Variants in PLEKHA5 observed in about 807,000 individuals in gnomAD.
The protein encoded by PLEKHA5 is pleckstrin homology domain containing A5.
PLEKHA5 carries 55 observed loss-of-function variants against 181.9 expected under a neutral mutation model. That is an observed-to-expected ratio of 0.30 (90% CI 0.24 to 0.38). PLEKHA5 has a LOEUF of 0.38. Among genes scored for constraint, PLEKHA5 ranks in the 10% least tolerant of loss-of-function variants. PLEKHA5 has a pLI of 1.00. For synonymous variants in PLEKHA5, 535 were observed against 529.4 expected, an observed-to-expected ratio of 1.01 and a Z score of -0.15; for missense variants, 1,432 against 1,549.5, an observed-to-expected ratio of 0.92 and a Z score of 1.27.
At chr12:19,154,743 A>T (rs1006112102) in intron 3 of PLEKHA5, 1 of 152,176 alleles carries the variant, frequency 6.6e-6, no homozygotes, top group African/African-American at 2.4e-5. Context: ...TACTAGTAAC[A>T]TATTTATATT....
At chr12:19,307,322 A>G in intron 15 of PLEKHA5, 1 of 327,116 alleles carries the variant, frequency 3.1e-6, no homozygotes, top group Non-Finnish European at 5.7e-6. Flanking sequence ...AAAATTCAAA[A>G]TTAGCCGGGC....
intron 3 of PLEKHA5, among the ~76,000 whole-genome samples, chr12:19,251,791 C>T (rs1049335446): frequency 2.7e-5 from 4 of 146,720 alleles, no homozygotes; most frequent in Admixed American, 2.0e-4. Flanking sequence ...AGAATGGCAG[C>T]TCTAAGATAA....
intron 11 of PLEKHA5, among the ~76,000 whole-genome samples, chr12:19,275,911 CA>C (rs2074383991): frequency 6.6e-6 from 1 of 152,156 alleles, no homozygotes; most frequent in South Asian, 2.1e-4. Flanking sequence ...CAGATACTCA[CA>C]GAGATAATTC....
chr12:19,263,672 A>G (rs967041978), intron 7 of PLEKHA5, among the ~76,000 whole-genome samples: 69 of 152,338 alleles, frequency 4.5e-4, no homozygotes, highest in African/African-American at 1.6e-3. Context: ...ACTTGAATCC[A>G]GTAAAATGTT....
At chr12:19,141,265 T>G (rs570054927) in intron 3 of PLEKHA5, among the ~76,000 whole-genome samples, 2 of 152,340 alleles carry the variant, frequency 1.3e-5, no homozygotes, top group Non-Finnish European at 2.9e-5. Flanking sequence ...AATGTAAGTT[T>G]TCTTCTCTAG....
intron 2 of PLEKHA5, chr12:19,131,038 C>CTGGT (rs2033651010): frequency 2.0e-5 from 3 of 152,330 alleles, no homozygotes; most frequent in African/African-American, 7.2e-5. Context: ...AGTTTCTGTA[C>CTGGT]TGGTCTGGGT....
chr12:19,144,657 T>C (rs2038408999), intron 3 of PLEKHA5, among the ~76,000 whole-genome samples: 1 of 152,190 alleles, frequency 6.6e-6, no homozygotes, highest in South Asian at 2.1e-4. Context: ...TGTTTAGCGA[T>C]AACTGTTTGA....
At chr12:19,342,071 T>C (rs2093979823) in intron 21 of PLEKHA5, among the ~76,000 whole-genome samples, 1 of 152,186 alleles carries the variant, frequency 6.6e-6, no homozygotes, top group African/African-American at 2.4e-5. Context: ...TTTTTTAGCA[T>C]ATTGATGCAA....
intron 3 of PLEKHA5, among the ~76,000 whole-genome samples, chr12:19,161,436 TG>T (rs955203574): frequency 2.6e-5 from 4 of 152,162 alleles, no homozygotes; most frequent in African/African-American, 9.7e-5. Flanking sequence ...GAAAACCCTT[TG>T]GGTGTTAAAA....
In PLEKHA5 at chr12:19,130,781, G is replaced by A. The variant is rs1014380821; in HGVS notation, c.169+651G>A. Reference sequence around the variant, plus strand: ...CGCTTGGCGCGTTCCCTCCTGCCACGGGAGGAGCAGCCGGAGCCGGAGGAG... The same window carrying A: ...CGCTTGGCGCGTTCCCTCCTGCCACAGGAGGAGCAGCCGGAGCCGGAGGAG... On this transcript the variant is annotated intron_variant, in intron 2 of 31. Coordinates refer to ENST00000429027, the MANE Select transcript of PLEKHA5 (RefSeq NM_001256470.2). The surrounding 1 kb of genome is among the most constrained non-coding windows in gnomAD (Gnocchi z 4.5). The A allele has an allele frequency of 6.6e-6, 1 of 152,304 alleles. No homozygotes were observed. The allele number at this position is 152,304 out of a possible 1,614,324, so 9.4% of individuals were successfully genotyped here. A position where few individuals can be genotyped will look rare whatever the true frequency, so the allele number is the denominator to read the frequency against.
intron 11 of PLEKHA5, among the ~76,000 whole-genome samples, chr12:19,282,024 C>T (rs528837075): frequency 5.9e-5 from 9 of 152,180 alleles, no homozygotes; most frequent in South Asian, 2.1e-4. Context: ...CCTCTTGATC[C>T]GCCTGCCTCC....
At chr12:19,296,997 C>T (rs1228550582) in intron 15 of PLEKHA5, among the ~76,000 whole-genome samples, 3 of 152,134 alleles carry the variant, frequency 2.0e-5, no homozygotes, top group African/African-American at 7.2e-5. Context: ...TGATATTCCC[C>T]TTTTCCTTTT....
chr12:19,225,629 A>G (rs1237464257), intron 3 of PLEKHA5, among the ~76,000 whole-genome samples: 1 of 152,186 alleles, frequency 6.6e-6, no homozygotes, highest in Admixed American at 6.5e-5. Flanking sequence ...AAGCATTATA[A>G]GGTGATGTTA....
At chr12:19,373,299 T>A (rs1481209588) in intron 31 of PLEKHA5, 1 of 151,708 alleles carries the variant, frequency 6.6e-6, no homozygotes, top group Non-Finnish European at 1.5e-5. Flanking sequence ...GAGAATCGCT[T>A]GAACCTGGGA....
intron 7 of PLEKHA5, among the ~76,000 whole-genome samples, chr12:19,261,540 G>C (rs1162786900): frequency 6.6e-6 from 1 of 152,076 alleles, no homozygotes; most frequent in African/African-American, 2.4e-5. Context: ...AAAATCCAGA[G>C]ATGTTTCATA....
At chr12:19,307,098 G>A in intron 15 of PLEKHA5, 1 of 1,064,438 alleles carries the variant, frequency 9.4e-7, no homozygotes, top group East Asian at 2.4e-5. Flanking sequence ...TGAAGCTTAT[G>A]AGCACTGTTG....
At position 19,231,839 on chromosome 12, in the gene PLEKHA5, T is replaced by G. The variant is rs547956024; in HGVS notation, c.228-22101T>G. ...TTGCATATATACTCTGACTGGAAAT[T>G]TTTCTAGAACTGTAGTGATTAAGAT... is the stretch of plus-strand genomic sequence containing the variant. On this transcript the variant is annotated intron_variant, in intron 3 of 31. Transcript: ENST00000429027. Among the ~76,000 whole-genome samples the G allele has an allele frequency of 2.6e-5, 4 of 152,014 alleles. No individual in the cohort carries two copies. In the South Asian group the frequency reaches 8.3e-4, roughly 32 times the overall value.
intron 20 of PLEKHA5, among the ~76,000 whole-genome samples, chr12:19,325,442 C>T (rs2091871934): frequency 6.6e-6 from 1 of 152,012 alleles, no homozygotes; most frequent in Non-Finnish European, 1.5e-5. Context: ...GTAATCCCAG[C>T]ACTTTGGGAG....
At chr12:19,148,743 C>T (rs150166351) in intron 3 of PLEKHA5, among the ~76,000 whole-genome samples, 3 of 152,302 alleles carry the variant, frequency 2.0e-5, no homozygotes, top group Admixed American at 2.0e-4. Context: ...AAAGTAGATG[C>T]ATTTCTCAGA....
Sources: gnomAD v4.1 joint callset for allele counts (sites outside exome capture counted in the v4.1 genomes callset) on GRCh38, gnomAD v4.1.1 for gene constraint, Gnocchi (gnomAD v3.1) non-coding constraint, MANE v1.5 for transcripts, NCBI Gene and HGNC (gene_info 2026-07-23, HGNC 2026-07-21) for gene names.